Variants in LAMA2 observed in about 807,000 individuals in gnomAD.
The protein encoded by LAMA2 is laminin subunit alpha-2.
Under a neutral mutation model 364.8 loss-of-function variants are expected in LAMA2, and 269 were observed. The ratio of observed to expected loss-of-function variants is 0.74; its 90% confidence interval spans 0.67 to 0.82. The LOEUF (loss-of-function observed/expected upper bound fraction) is 0.82. LAMA2 is among the 40% of genes least tolerant of loss of function. The probability of loss-of-function intolerance (pLI) is 0.00; values close to 1 mark genes in which losing one functional copy is unlikely to be tolerated. For missense variants in LAMA2, 3,807 were observed against 3,873.2 expected, an observed-to-expected ratio of 0.98 and a Z score of 0.45; for synonymous variants, 1,379 against 1,370.6, an observed-to-expected ratio of 1.01 and a Z score of -0.14.
chr6:128,902,071 C>A (rs761872973), intron 1 of LAMA2, among the ~76,000 whole-genome samples: 1 of 152,128 alleles, frequency 6.6e-6, no homozygotes, highest in South Asian at 2.1e-4. Flanking sequence ...AAGTGCAGAG[C>A]GAAGTGGGGG....
chr6:129,479,149 A>ATGTGT (rs1784231115), intron 54 of LAMA2, among the ~76,000 whole-genome samples: 1 of 151,656 alleles, frequency 6.6e-6, no homozygotes, highest in Non-Finnish European at 1.5e-5. Flanking sequence ...TTTTACTTTT[A>ATGTGT]TGTGTTGTAT....
rs149131043 is a variant in LAMA2 at position 129,110,377 on chromosome 6, C to G, written c.639+11962C>G. On this transcript the variant is annotated intron_variant, in intron 4 of 64. Coordinates refer to ENST00000421865, the MANE Select transcript of LAMA2 (RefSeq NM_000426.4). Reference sequence around the variant, plus strand: ...TGGCCTAAAATCACAAGCAAACATTCCATGATGGAATGGCAGATCATGCTA... The same window carrying G: ...TGGCCTAAAATCACAAGCAAACATTGCATGATGGAATGGCAGATCATGCTA... Among the ~76,000 whole-genome samples the G allele has an allele frequency of 1.6e-3, 249 of 152,088 alleles. 1 individual carries two copies. The highest frequency in any genetic ancestry group is 5.4e-3 in the African/African-American group (224 of 41,522).
intron 4 of LAMA2, among the ~76,000 whole-genome samples, chr6:129,143,260 G>A (rs1778234888): frequency 6.6e-6 from 1 of 151,672 alleles, no homozygotes; most frequent in South Asian, 2.1e-4. Flanking sequence ...TTTTTAGAGT[G>A]TGATTTTCAT....
rs367926736 is a variant in LAMA2, at chr6:129,158,271, C to A, written c.1206+3588C>A. ...TATGAAACCAAGTATGTTTTCATGG[C>A]GCATTAGCACAGTTTGGTAGATTTC... On this transcript the variant is annotated intron_variant, in intron 8 of 64. Coordinates refer to ENST00000421865, the MANE Select transcript of LAMA2 (RefSeq NM_000426.4). 3.7e-6 allele frequency: 6 copies of A among 1,613,960 alleles called. No homozygotes were observed. The African/African-American group carries it at 5.3e-5, about 14-fold the overall frequency.
At position 129,456,368 on chromosome 6, in the gene LAMA2, C is replaced by G. The variant is rs766743969; in HGVS notation, c.6741C>G (p.Ala2247=). Residue 2247 remains alanine, a synonymous_variant, in exon 48 of 65, where the codon GCC becomes GCG. Coordinates refer to ENST00000421865, the MANE Select transcript of LAMA2 (RefSeq NM_000426.4). ...TGRNGTISVR[A]LDGPKASIVP... ...GAAATGGAACTATTTCTGTGAGAGC[C>G]CTGGATGGACCCAAAGCCAGCATTG... The G allele has an allele frequency of 1.2e-6, 2 of 1,613,624 alleles. No homozygotes were observed. The highest frequency in any genetic ancestry group is 1.7e-6 in the Non-Finnish European group (2 of 1,179,668).
At chr6:129,452,885 A>C in intron 45 of LAMA2, 103 bp from the exon 46 acceptor site, 1 of 995,816 alleles carries the variant, frequency 1.0e-6, no homozygotes, top group Non-Finnish European at 1.6e-6. Flanking sequence ...GATAGAAAAT[A>C]ACTTCAAAGA....
chr6:128,980,894 C>G (rs75797022), intron 1 of LAMA2, among the ~76,000 whole-genome samples: 3,100 of 152,212 alleles, frequency 0.02, 117 homozygotes, highest in African/African-American at 0.07. Flanking sequence ...AAACGCGAAT[C>G]ATTGGACAAA....
intron 40 of LAMA2, among the ~76,000 whole-genome samples, chr6:129,417,358 C>T (rs1780850541): frequency 6.6e-6 from 1 of 152,116 alleles, no homozygotes; most frequent in African/African-American, 2.4e-5. Flanking sequence ...GTGAGACACA[C>T]AGTGGGTAGC....
intron 40 of LAMA2, among the ~76,000 whole-genome samples, chr6:129,418,739 T>G (rs2326805): frequency 0.43 from 65,574 of 151,894 alleles, 14,312 homozygotes; most frequent in South Asian, 0.48. Context: ...TGTAATTAGC[T>G]GTGTCACCTA....
chr6:129,083,648 C>T (rs150685940), intron 3 of LAMA2, among the ~76,000 whole-genome samples: 104 of 152,236 alleles, frequency 6.8e-4, no homozygotes, highest in African/African-American at 2.4e-3. Flanking sequence ...AGATTTTTGT[C>T]CACTAATCTA....
At chr6:129,173,564 G>A (rs1311924180) in intron 9 of LAMA2, among the ~76,000 whole-genome samples, 1 of 152,048 alleles carries the variant, frequency 6.6e-6, no homozygotes, top group East Asian at 1.9e-4. Context: ...GTTACATTCA[G>A]CTCTGGACCA....
At chr6:129,093,085 C>T (rs1036085704) in intron 3 of LAMA2, among the ~76,000 whole-genome samples, 1 of 152,048 alleles carries the variant, frequency 6.6e-6, no homozygotes. Flanking sequence ...GATTTTCAAG[C>T]GATTCTCCTG....
At chr6:129,513,500 T>A (rs1360489898) in intron 63 of LAMA2, among the ~76,000 whole-genome samples, 1 of 152,182 alleles carries the variant, frequency 6.6e-6, no homozygotes, top group Non-Finnish European at 1.5e-5. Context: ...CTCCACCCAA[T>A]ATAGTAAACA....
intron 1 of LAMA2, chr6:128,929,253 C>G: frequency 1.4e-6 from 2 of 1,429,546 alleles, no homozygotes; most frequent in Middle Eastern, 2.0e-4. Context: ...TGTAAGAGAC[C>G]GTCAATGGCT....
intron 45 of LAMA2, among the ~76,000 whole-genome samples, chr6:129,447,303 A>G (rs1782436444): frequency 6.6e-6 from 1 of 152,238 alleles, no homozygotes; most frequent in Admixed American, 6.5e-5. Context: ...AATCACCTCT[A>G]GTAGGGCCTG....
At chr6:129,303,712 T>A (rs556485418) in intron 22 of LAMA2, among the ~76,000 whole-genome samples, 1 of 152,358 alleles carries the variant, frequency 6.6e-6, no homozygotes, top group East Asian at 1.9e-4. Flanking sequence ...CAGATTATAC[T>A]GATTGATTTT....
At chr6:129,211,601 C>T (rs1198311712) in intron 12 of LAMA2, among the ~76,000 whole-genome samples, 4 of 152,240 alleles carry the variant, frequency 2.6e-5, no homozygotes, top group Non-Finnish European at 4.4e-5. Flanking sequence ...TCAATGCTCT[C>T]TCATGCTTTT....
chr6:129,477,963 G>A (rs544641503), intron 53 of LAMA2, among the ~76,000 whole-genome samples: 2 of 149,496 alleles, frequency 1.3e-5, no homozygotes, highest in Admixed American at 6.8e-5. Context: ...TTTTTTGGAG[G>A]GGAGGGCAAA....
intron 8 of LAMA2, among the ~76,000 whole-genome samples, 160 bp downstream of exon 8, chr6:129,154,843 T>C (rs1779013439): frequency 6.6e-6 from 1 of 152,208 alleles, no homozygotes; most frequent in Admixed American, 6.5e-5. Context: ...GACCTAAATC[T>C]TTGAGGATGT....
Sources: gnomAD v4.1 joint callset for allele counts (sites outside exome capture counted in the v4.1 genomes callset) on GRCh38, gnomAD v4.1.1 for gene constraint, MANE v1.5 for transcripts, NCBI Gene and HGNC (gene_info 2026-07-23, HGNC 2026-07-21) for gene names.